PIAS1: variants seen among roughly 807,000 people sequenced by gnomAD.
PIAS1 encodes the protein protein inhibitor of activated STAT 1, also known as E3 SUMO-protein ligase PIAS1.
In PIAS1, 6 loss-of-function variants were observed where a neutral mutation model predicts 71.3. The observed-to-expected ratio is 0.08, with a 90% CI of 0.05 to 0.17. The LOEUF is 0.17. Ranked by LOEUF, PIAS1 falls within the 10% of genes least tolerant of loss-of-function variation. The probability of loss-of-function intolerance (pLI) is 1.00; values close to 1 mark genes in which losing one functional copy is unlikely to be tolerated. For synonymous variants in PIAS1, 303 were observed against 292.9 expected, an observed-to-expected ratio of 1.03 and a Z score of -0.35; for missense variants, 555 against 793.6, an observed-to-expected ratio of 0.70 and a Z score of 3.61.
intron 2 of PIAS1, chr15:68,087,988 A>G (rs2092298005): frequency 4.3e-6 from 1 of 232,544 alleles, no homozygotes; most frequent in Admixed American, 4.8e-5. Flanking sequence ...ACACATGCTC[A>G]TTGTAAAAAA....
chr15:68,079,230 G>A (rs867752797), intron 1 of PIAS1, among the ~76,000 whole-genome samples: 12 of 152,030 alleles, frequency 7.9e-5, no homozygotes, highest in African/African-American at 2.7e-4. Flanking sequence ...CGATGATTAC[G>A]CATGTTTCTG....
chr15:68,130,715 G>C (rs2092683554), intron 2 of PIAS1, among the ~76,000 whole-genome samples: 1 of 149,176 alleles, frequency 6.7e-6, no homozygotes, highest in Non-Finnish European at 1.5e-5. Flanking sequence ...TTTGAATATA[G>C]TTGTGTTCCT....
At chr15:68,143,684 C>T (rs1414907762) in intron 4 of PIAS1, among the ~76,000 whole-genome samples, 1 of 152,084 alleles carries the variant, frequency 6.6e-6, no homozygotes, top group Admixed American at 6.6e-5. Context: ...CTTCCTGCCT[C>T]AACAGTTTAC....
At chr15:68,087,300 A>G (rs1273515231) in intron 2 of PIAS1, among the ~76,000 whole-genome samples, 2 of 152,164 alleles carry the variant, frequency 1.3e-5, no homozygotes, top group African/African-American at 4.8e-5. Context: ...ATATAATATA[A>G]GTGCTTGAAA....
chr15:68,075,991 C>T (rs1013975098), intron 1 of PIAS1, among the ~76,000 whole-genome samples: 1 of 152,014 alleles, frequency 6.6e-6, no homozygotes, highest in African/African-American at 2.4e-5. Context: ...CCATGTTGGC[C>T]GGTCTGGTCT....
chr15:68,111,280 A>G (rs549295562), intron 2 of PIAS1, among the ~76,000 whole-genome samples: 1 of 152,312 alleles, frequency 6.6e-6, no homozygotes, highest in African/African-American at 2.4e-5. Flanking sequence ...AAGGGTTGGC[A>G]AGATTTAACT....
In PIAS1 at chr15:68,167,976, G is replaced by T. The variant is rs776569432; in HGVS notation, c.1008+3172G>T. ...CTTGCCTTAGCTTCCCAAAATGCTGGGATTACAGGTGTGAGCCACCACTCC... is the reference window on the plus strand; with the variant it reads ...CTTGCCTTAGCTTCCCAAAATGCTGTGATTACAGGTGTGAGCCACCACTCC... On this transcript the variant is annotated intron_variant, in intron 8 of 13. Coordinates refer to ENST00000249636, the MANE Select transcript of PIAS1 (RefSeq NM_016166.3). This position sits in a 1 kb window ranked among gnomAD's most constrained non-coding sequence, Gnocchi z 4.4. Among the ~76,000 whole-genome samples, 23 of 151,430 alleles carry T rather than the reference G, an allele frequency of 1.5e-4. No homozygotes were observed. Among genetic ancestry groups the T allele is most frequent in the Non-Finnish European group, 2.9e-4 (20 of 67,930 alleles).
At chr15:68,102,618 T>C (rs778240743) in intron 2 of PIAS1, among the ~76,000 whole-genome samples, 5 of 152,236 alleles carry the variant, frequency 3.3e-5, no homozygotes, top group African/African-American at 4.8e-5. Flanking sequence ...TAAAATTTTA[T>C]TCATCAGCAT....
intron 1 of PIAS1, chr15:68,055,921 C>T (rs1267208283): frequency 7.1e-6 from 5 of 700,904 alleles, no homozygotes; most frequent in Non-Finnish European, 1.3e-5. Flanking sequence ...AAGGTATTGG[C>T]TTTGAGTGTC....
chr15:68,101,893 G>C (rs1362146848), intron 2 of PIAS1, among the ~76,000 whole-genome samples: 1 of 152,162 alleles, frequency 6.6e-6, no homozygotes, highest in Admixed American at 6.5e-5. Flanking sequence ...TGAGACTACA[G>C]GTGTGTGCCA....
At chr15:68,092,275 C>T (rs1193388092) in intron 2 of PIAS1, among the ~76,000 whole-genome samples, 7 of 151,972 alleles carry the variant, frequency 4.6e-5, no homozygotes, top group African/African-American at 7.3e-5. Flanking sequence ...CTGGCTCAAG[C>T]GATCCTCCCA....
At chr15:68,065,588 GAA>G (rs572054813) in intron 1 of PIAS1, among the ~76,000 whole-genome samples, 1 of 117,614 alleles carries the variant, frequency 8.5e-6, no homozygotes. Context: ...CCTGTCTCGA[GAA>G]AAAAAAAAAA....
chr15:68,155,303 C>T (rs2092879786), intron 7 of PIAS1, among the ~76,000 whole-genome samples: 1 of 151,964 alleles, frequency 6.6e-6, no homozygotes, highest in Non-Finnish European at 1.5e-5. Flanking sequence ...TAATTGTACA[C>T]TGGATGAGAT....
rs80002093 is a variant in PIAS1 at position 68,153,081 on chromosome 15, G to A, written c.829-509G>A. Among the ~76,000 whole-genome samples, 1,095 of 151,620 alleles carry A rather than the reference G, an allele frequency of 7.2e-3. 5 individuals carry two copies. The highest frequency in any genetic ancestry group is 0.011 in the Non-Finnish European group (771 of 67,934). ...ATAATCTTTTCAAGAGCTACTTGAA[G>A]GCATAGAGAAAGGTTAAAAGGTATA... On this transcript the variant is annotated intron_variant, in intron 6 of 13. Coordinates refer to ENST00000249636, the MANE Select transcript of PIAS1 (RefSeq NM_016166.3).
intron 2 of PIAS1, among the ~76,000 whole-genome samples, chr15:68,113,988 CTG>C: frequency 6.6e-6 from 1 of 151,564 alleles, no homozygotes; most frequent in Non-Finnish European, 1.5e-5. Flanking sequence ...GGATCTCTCT[CTG>C]TCTCTCTCTT....
Position 68,176,627 on chromosome 15 carries a change from C to T in PIAS1, c.1454C>T (p.Ser485Phe), listed in dbSNP as rs901211323. The T allele has an allele frequency of 1.2e-6, 2 of 1,602,696 alleles. No individual in the cohort carries two copies. Among genetic ancestry groups the T allele is most frequent in the Non-Finnish European group, 1.7e-6 (2 of 1,175,420 alleles). The change falls in exon 11 of 14, where the codon TCT becomes TTT. Residue 485 changes from serine (S) to phenylalanine (F), a missense_variant. This residue lies in a region of PIAS1 where 244 missense variants were observed against 307.5 expected (regional missense o/e 0.79). Coordinates refer to ENST00000249636, the MANE Select transcript of PIAS1 (RefSeq NM_016166.3). The part of the protein sequence containing the change: ...PSAKRTCPSL[S>F]PTSPLNNKGI... ...GCCAAGAGGACCTGTCCTTCCCTAT[C>T]TCCCACATCACCACTAAATAATAAA...
intron 1 of PIAS1, among the ~76,000 whole-genome samples, chr15:68,065,450 G>T (rs1471750405): frequency 6.6e-6 from 1 of 151,922 alleles, no homozygotes; most frequent in Non-Finnish European, 1.5e-5. Flanking sequence ...AATTAGCTGG[G>T]CATGTTGATG....
Position 68,191,753 on chromosome 15 carries a change from A to G in PIAS1, c.*3918A>G, listed in dbSNP as rs2093121294. ...CTTCTTGTAAACAACACTAGGTGCT[A>G]GAGAAACCAGCTGGAATTTCAGGAA... On this transcript the variant is annotated 3_prime_UTR_variant, in exon 14 of 14. Transcript: ENST00000249636. The G allele has an allele frequency of 6.6e-6, 1 of 152,258 alleles. No individual in the cohort carries two copies. The highest frequency in any genetic ancestry group is 1.5e-5 in the Non-Finnish European group (1 of 68,044). The allele number at this position is 152,258 out of a possible 1,614,324, so 9.4% of individuals were successfully genotyped here. A position where few individuals can be genotyped will look rare whatever the true frequency, so the allele number is the denominator to read the frequency against.
At chr15:68,180,417 A>G (rs974217564) in intron 11 of PIAS1, among the ~76,000 whole-genome samples, 1 of 151,100 alleles carries the variant, frequency 6.6e-6, no homozygotes, top group Non-Finnish European at 1.5e-5. Flanking sequence ...TTAAATTATT[A>G]TTTTTTCCTT....
Sources: allele counts gnomAD v4.1 joint callset (sites outside exome capture counted in the v4.1 genomes callset), GRCh38; gene constraint gnomAD v4.1.1; regional missense constraint gnomAD v4.1.1; non-coding constraint Gnocchi (gnomAD v3.1); transcripts MANE v1.5; gene names NCBI Gene and HGNC (gene_info 2026-07-23, HGNC 2026-07-21).